The following UNC5D variants were observed in gnomAD, a reference collection of about 807,000 sequenced individuals.
UNC5D encodes unc-5 netrin receptor D.
A neutral mutation model predicts 105.4 loss-of-function variants in UNC5D; 39 were observed. That is an observed-to-expected ratio of 0.37 (90% CI 0.29 to 0.48). The LOEUF is 0.48. Among genes scored for constraint, UNC5D ranks in the 20% least tolerant of loss-of-function variants. UNC5D has a pLI of 0.98. For synonymous variants in UNC5D, 452 were observed against 450.4 expected (o/e 1.00, Z -0.04); for missense variants, 991 against 1,202.4 (o/e 0.82, Z 2.60).
chr8:35,324,086 C>T lies in UNC5D; in HGVS notation c.103+88199C>T, dbSNP rs1809958350. 4.0e-5 allele frequency among the ~76,000 whole-genome samples: 6 copies of T among 151,838 alleles called. No homozygotes were observed. In the South Asian group the frequency reaches 1.3e-3, roughly 32 times the overall value. ...CTATACCAAAAAGTTAAAAATTAGC[C>T]AGGCGTGGTGGCATCCACCTATAAG... On this transcript the variant is annotated intron_variant, in intron 1 of 16. Transcript: ENST00000404895.
At chr8:35,638,509 A>C (rs1440316851) in intron 4 of UNC5D, among the ~76,000 whole-genome samples, 1 of 151,964 alleles carries the variant, frequency 6.6e-6, no homozygotes, top group Non-Finnish European at 1.5e-5. Context: ...ATTTAACATA[A>C]TTTGGCAAGG....
At chr8:35,721,524 T>C (rs1056592003) in intron 8 of UNC5D, 13 of 702,762 alleles carry the variant, frequency 1.8e-5, no homozygotes, top group Non-Finnish European at 2.6e-5. Flanking sequence ...CCACAATAAA[T>C]TATTAGAGTC....
chr8:35,412,708 C>G (rs1653162773), intron 1 of UNC5D, among the ~76,000 whole-genome samples: 1 of 152,078 alleles, frequency 6.6e-6, no homozygotes, highest in Non-Finnish European at 1.5e-5. Flanking sequence ...AGATAAGACA[C>G]CAGTAGGTTG....
chr8:35,679,344 G>C (rs1825497490), intron 4 of UNC5D, among the ~76,000 whole-genome samples: 1 of 152,122 alleles, frequency 6.6e-6, no homozygotes, highest in Non-Finnish European at 1.5e-5. Flanking sequence ...GGGTTGTTAG[G>C]TAAGGCCTCT....
At position 35,640,212 on chromosome 8, in the gene UNC5D, C is replaced by T. The variant is rs188659456; in HGVS notation, c.571-43335C>T. Among the ~76,000 whole-genome samples, 32 of 152,146 alleles carry T rather than the reference C, an allele frequency of 2.1e-4. No homozygotes were observed. The East Asian group carries it at 2.3e-3, about 11-fold the overall frequency. ...TTAATTCCTACTTTGTATGTAACAA[C>T]GTTAAACCCAAGCTAGGCCAAATAT... On this transcript the variant is annotated intron_variant, in intron 4 of 16. Transcript: ENST00000404895.
chr8:35,545,654 A>C (rs1815607445), intron 1 of UNC5D, among the ~76,000 whole-genome samples: 1 of 151,946 alleles, frequency 6.6e-6, no homozygotes, highest in South Asian at 2.1e-4. Context: ...ACAAAGCCAA[A>C]AAAAAAAAAG....
chr8:35,415,185 T>C (rs1279070065), intron 1 of UNC5D, among the ~76,000 whole-genome samples: 1 of 152,148 alleles, frequency 6.6e-6, no homozygotes, highest in African/African-American at 2.4e-5. Context: ...TAGTGTTTTA[T>C]AGTTTGTTTC....
At position 35,726,325 on chromosome 8, in the gene UNC5D, C is replaced by T; in HGVS notation, c.1477C>T (p.Leu493=). 2 of 1,614,082 alleles carry T rather than the reference C, an allele frequency of 1.2e-6. No individual in the cohort carries two copies. The highest frequency in any genetic ancestry group is 1.7e-6 in the Non-Finnish European group (2 of 1,179,994). Residue 493 remains leucine (L), a synonymous_variant, in exon 10 of 17, where the codon CTG becomes TTG. Transcript: ENST00000404895. ...AGTCCAGAGCTCGTTCATGGTTTCC[C>T]TGGGAGTGTCTGAGAGAGCTGAGTA... ...VKVQSSFMVS[L]GVSERAEYHG...
chr8:35,755,706 AACC>A (rs1830487516), intron 13 of UNC5D, among the ~76,000 whole-genome samples: 1 of 152,122 alleles, frequency 6.6e-6, no homozygotes, highest in African/African-American at 2.4e-5. Flanking sequence ...TGCTGAGAAA[AACC>A]ACCATCCAGA....
At position 35,790,554 on chromosome 8, in the gene UNC5D, T is replaced by C. The variant is rs752671906; in HGVS notation, c.2853T>C (p.Asn951=). The C allele has an allele frequency of 2.4e-5, 38 of 1,613,610 alleles. No individual in the cohort carries two copies. Among genetic ancestry groups the C allele is most frequent in the Admixed American group, 3.3e-5 (2 of 59,942 alleles). ...CCGACTTCAACTACAGCAGGCAAAATGGACTCTAGTCCACTTCCTCCCATG... is the reference window on the plus strand; with the variant it reads ...CCGACTTCAACTACAGCAGGCAAAACGGACTCTAGTCCACTTCCTCCCATG... ...DEADFNYSRQ[N]GL The change falls in exon 17 of 17, where the codon AAT becomes AAC. Residue 951 remains asparagine, a synonymous_variant. Transcript: ENST00000404895.
chr8:35,367,143 C>T (rs1019948572), intron 1 of UNC5D, among the ~76,000 whole-genome samples: 1 of 152,156 alleles, frequency 6.6e-6, no homozygotes, highest in East Asian at 1.9e-4. Flanking sequence ...TAGTAAAGAG[C>T]ATTTCCAACT....
At chr8:35,294,552 A>G (rs1051904914) in intron 1 of UNC5D, among the ~76,000 whole-genome samples, 3 of 152,154 alleles carry the variant, frequency 2.0e-5, no homozygotes, top group Admixed American at 1.3e-4. Context: ...TCTTGAATCT[A>G]TAGGGGTGCC....
At chr8:35,726,851 C>T (rs1461179520) in intron 10 of UNC5D, 3 of 311,904 alleles carry the variant, frequency 9.6e-6, no homozygotes, top group Non-Finnish European at 1.8e-5. Context: ...GATAAGAAAG[C>T]ACTGAAAAAA....
intron 1 of UNC5D, among the ~76,000 whole-genome samples, chr8:35,545,546 C>T (rs1815597102): frequency 6.6e-6 from 1 of 151,906 alleles, no homozygotes; most frequent in Non-Finnish European, 1.5e-5. Context: ...GGCTTTGCTG[C>T]ACCAGGAATG....
chr8:35,567,633 A>G (rs906918025), intron 2 of UNC5D, among the ~76,000 whole-genome samples: 3 of 152,094 alleles, frequency 2.0e-5, no homozygotes, highest in Non-Finnish European at 4.4e-5. Context: ...CCATCTGCAA[A>G]TGTTCACTGA....
intron 1 of UNC5D, among the ~76,000 whole-genome samples, chr8:35,245,845 A>G (rs1042727944): frequency 2.0e-5 from 3 of 152,188 alleles, no homozygotes; most frequent in Non-Finnish European, 4.4e-5. Context: ...TATCATCATC[A>G]TAGCAAACTT....
chr8:35,790,375 G>T lies in UNC5D; in HGVS notation c.2674G>T (p.Ala892Ser). 2 of 1,613,134 alleles carry T rather than the reference G, an allele frequency of 1.2e-6. No homozygotes were observed. Among genetic ancestry groups the T allele is most frequent in the Non-Finnish European group, 1.7e-6 (2 of 1,179,722 alleles). ...NSINRNLSYF[A>S]TQSSPSAVIL... ...TCCATCTAGGAATTTATCTTATTTC[G>T]CTACACAAAGTAGCCCATCTGCTGT... Residue 892 changes from alanine (A) to serine (S), a missense_variant, in exon 17 of 17, where the codon GCT becomes TCT. Ala to Ser is a moderately conservative substitution (Grantham distance 99). Transcript: ENST00000404895.
At chr8:35,480,406 G>A (rs1810405198) in intron 1 of UNC5D, among the ~76,000 whole-genome samples, 2 of 152,160 alleles carry the variant, frequency 1.3e-5, no homozygotes, top group African/African-American at 4.8e-5. Context: ...GTGAGACTAA[G>A]AATTCACACT....
intron 1 of UNC5D, among the ~76,000 whole-genome samples, chr8:35,397,856 C>A (rs1199333390): frequency 6.6e-6 from 1 of 152,172 alleles, no homozygotes; most frequent in Non-Finnish European, 1.5e-5. Context: ...GGATGTTACT[C>A]CTTTACTTAC....
Sources: gnomAD v4.1 joint callset for allele counts (sites outside exome capture counted in the v4.1 genomes callset) on GRCh38, gnomAD v4.1.1 for gene constraint, MANE v1.5 for transcripts, NCBI Gene and HGNC (gene_info 2026-07-23, HGNC 2026-07-21) for gene names.